The following TPRG1 variants were observed in gnomAD, a reference collection of about 807,000 sequenced individuals.
TPRG1 encodes tumor protein p63-regulated gene 1 protein.
TPRG1 carries 29 observed loss-of-function variants against 29.3 expected under a neutral mutation model. The observed-to-expected ratio is 0.99, with a 90% CI of 0.74 to 1.35. The LOEUF (loss-of-function observed/expected upper bound fraction) is 1.35, where lower values mean the gene tolerates loss of function less well. Ranked by LOEUF, TPRG1 falls within the 40% of genes most tolerant of loss-of-function variation. TPRG1 has a pLI of 0.00. For synonymous variants in TPRG1, 130 were observed against 116.8 expected (o/e 1.11, Z -0.73); for missense variants, 327 against 335.0 (o/e 0.98, Z 0.19).
At chr3:189,088,877 TATTAG>T (rs1013069484) in intron 4 of TPRG1, among the ~76,000 whole-genome samples, 11 of 152,194 alleles carry the variant, frequency 7.2e-5, no homozygotes, top group Non-Finnish European at 1.5e-4. Context: ...AAAAGCAAGT[TATTAG>T]ATTAAATTAC....
chr3:189,021,328 G>C (rs372262271), intron 3 of TPRG1, among the ~76,000 whole-genome samples: 2 of 151,636 alleles, frequency 1.3e-5, no homozygotes, highest in Non-Finnish European at 2.9e-5. Flanking sequence ...TCCTAGTCTC[G>C]ATGGTCTTTA....
At chr3:189,002,771 T>A (rs115738654) in intron 2 of TPRG1, among the ~76,000 whole-genome samples, 5,863 of 152,236 alleles carry the variant, frequency 0.039, 373 homozygotes, top group African/African-American at 0.13. Flanking sequence ...AGAGGACTTG[T>A]GGACATTAGT....
chr3:189,220,291 T>G (rs1560569901), intron 3 of TPRG1, among the ~76,000 whole-genome samples: 3 of 151,710 alleles, frequency 2.0e-5, no homozygotes, highest in Non-Finnish European at 2.9e-5. Flanking sequence ...TATATATATA[T>G]AGTATATAAT....
At chr3:189,158,208 G>C (rs1364962886) in intron 5 of TPRG1, among the ~76,000 whole-genome samples, 5 of 152,124 alleles carry the variant, frequency 3.3e-5, no homozygotes, top group Admixed American at 6.5e-5. Context: ...CTCTTACCCT[G>C]TTTCACTTAC....
intron 1 of TPRG1, among the ~76,000 whole-genome samples, chr3:189,203,995 C>T (rs952679222): frequency 2.2e-5 from 3 of 134,748 alleles, no homozygotes; most frequent in Admixed American, 1.7e-4. Context: ...GAGCCTAGAT[C>T]GTGCCACTGC....
chr3:189,064,437 A>G (rs949522328), intron 4 of TPRG1, among the ~76,000 whole-genome samples: 2 of 152,196 alleles, frequency 1.3e-5, no homozygotes, highest in Non-Finnish European at 2.9e-5. Flanking sequence ...ACAAGAAAAA[A>G]AAATTCAAAT....
chr3:189,297,579 A>G (rs150297114), intron 4 of TPRG1, among the ~76,000 whole-genome samples: 3 of 152,220 alleles, frequency 2.0e-5, no homozygotes, highest in African/African-American at 7.2e-5. Flanking sequence ...CCCACTCCAG[A>G]CCAGCTGGAT....
chr3:189,277,534 T>C lies in TPRG1; in HGVS notation c.480-32852T>C, dbSNP rs1716374478. ...GTTTTTTCATTTTTGATTCAAGTCT[T>C]ACCAAATCAAAATGTGTCACTCATC... On this transcript the variant is annotated intron_variant, in intron 4 of 5. Coordinates refer to ENST00000345063, the MANE Select transcript of TPRG1 (RefSeq NM_198485.4). 2.0e-5 allele frequency among the ~76,000 whole-genome samples: 3 copies of C among 151,984 alleles called. No homozygotes were observed. The South Asian group carries it at 6.2e-4, about 32-fold the overall frequency.
intron 3 of TPRG1, among the ~76,000 whole-genome samples, chr3:189,136,979 A>G (rs188684046): frequency 6.6e-6 from 1 of 152,332 alleles, no homozygotes; most frequent in Admixed American, 6.5e-5. Context: ...AAAAATGGAC[A>G]TGACCCCTGT....
chr3:189,081,718 A>G (rs1163901503), intron 4 of TPRG1, among the ~76,000 whole-genome samples: 1 of 152,208 alleles, frequency 6.6e-6, no homozygotes, highest in African/African-American at 2.4e-5. Context: ...AACCAAACAT[A>G]TGCACATACA....
chr3:189,027,397 A>G (rs764260849), intron 4 of TPRG1, among the ~76,000 whole-genome samples: 1 of 152,246 alleles, frequency 6.6e-6, no homozygotes, highest in Non-Finnish European at 1.5e-5. Flanking sequence ...GGACTAAGTA[A>G]GGTATGTAAA....
At chr3:189,233,159 A>AGTGTGTGTGTGT (rs1234383998) in intron 3 of TPRG1, among the ~76,000 whole-genome samples, 3 of 120,358 alleles carry the variant, frequency 2.5e-5, no homozygotes, top group African/African-American at 1.2e-4. Context: ...ACCTCTACTG[A>AGTGTGTGTGTGT]GTGTGTATGT....
At chr3:189,312,790 C>T (rs1289393476) in intron 5 of TPRG1, among the ~76,000 whole-genome samples, 5 of 152,066 alleles carry the variant, frequency 3.3e-5, no homozygotes, top group African/African-American at 7.2e-5. Flanking sequence ...TCCAAATACC[C>T]ACAAATGGAA....
At chr3:189,037,603 A>G (rs1394005108) in intron 4 of TPRG1, among the ~76,000 whole-genome samples, 1 of 151,862 alleles carries the variant, frequency 6.6e-6, no homozygotes, top group Non-Finnish European at 1.5e-5. Flanking sequence ...TAGTTAACCT[A>G]GTACTAGTGG....
intron 4 of TPRG1, among the ~76,000 whole-genome samples, chr3:189,088,981 T>A (rs909988123): frequency 8.1e-5 from 11 of 136,428 alleles, no homozygotes; most frequent in African/African-American, 4.1e-4. Flanking sequence ...TCTATCTATC[T>A]ATCTATCTAT....
chr3:189,296,691 C>A (rs987059887), intron 4 of TPRG1, among the ~76,000 whole-genome samples: 2 of 152,156 alleles, frequency 1.3e-5, no homozygotes, highest in African/African-American at 4.8e-5. Flanking sequence ...GGTGAAGCAA[C>A]TTTGACCTTG....
chr3:189,116,749 T>C (rs1721225124), intron 1 of TPRG1, among the ~76,000 whole-genome samples: 2 of 152,242 alleles, frequency 1.3e-5, no homozygotes, highest in South Asian at 4.1e-4. Flanking sequence ...TTCATAGAGA[T>C]AGAAAGTGGA....
chr3:189,196,537 A>G (rs1408139670), intron 1 of TPRG1, among the ~76,000 whole-genome samples: 1 of 152,134 alleles, frequency 6.6e-6, no homozygotes, highest in Non-Finnish European at 1.5e-5. Flanking sequence ...GGGCATGTGC[A>G]GGGAAACTCC....
At chr3:189,121,802 G>A (rs1005067482) in intron 1 of TPRG1, 4 of 152,092 alleles carry the variant, frequency 2.6e-5, no homozygotes, top group Non-Finnish European at 4.4e-5. Context: ...AAATATGATG[G>A]ATTGAGATAA....
Sources: gnomAD v4.1 joint callset for allele counts (sites outside exome capture counted in the v4.1 genomes callset) on GRCh38, gnomAD v4.1.1 for gene constraint, MANE v1.5 for transcripts, NCBI Gene and HGNC (gene_info 2026-07-23, HGNC 2026-07-21) for gene names.